The following TAP1 variants were observed in gnomAD, a reference collection of about 807,000 sequenced individuals.
TAP1 encodes the protein transporter 1, ATP binding cassette subfamily B member.
TAP1 carries 56 observed loss-of-function variants against 79.3 expected under a neutral mutation model. The observed-to-expected ratio is 0.71, with a 90% confidence interval of 0.57 to 0.88. The LOEUF (loss-of-function observed/expected upper bound fraction) is 0.88. Among genes scored for constraint, TAP1 ranks in the 40% least tolerant of loss-of-function variants. The pLI is 0.00. For synonymous variants in TAP1, 355 were observed against 401.4 expected (o/e 0.88, Z 1.38); for missense variants, 737 against 936.3 (o/e 0.79, Z 2.78).
Position 32,849,017 on chromosome 6 carries a change from G to T in TAP1, c.1350C>A (p.Tyr450Ter). 1 of 1,610,618 alleles carries T rather than the reference G, an allele frequency of 6.2e-7. No individual in the cohort carries two copies. The highest frequency in any genetic ancestry group is 8.5e-7 in the Non-Finnish European group (1 of 1,178,864). Reference sequence around the variant, plus strand: ...CCACAGCCTGGGTGAACTGCATCTGGTAGAGAACAAATGTGACAAGGTTCC... The same window carrying T: ...CCACAGCCTGGGTGAACTGCATCTGTTAGAGAACAAATGTGACAAGGTTCC... The part of the protein sequence containing the change: ...SSGNLVTFVL[Y>*]QMQFTQAVEV... The change falls in exon 6 of 11, where the codon TAC (tyrosine) becomes TAA (stop). Residue 450 changes from tyrosine to a stop codon, truncating the protein, a stop_gained. Coordinates refer to ENST00000354258, the MANE Select transcript of TAP1 (RefSeq NM_000593.6). LOFTEE classifies it high-confidence loss of function.
In TAP1 at chr6:32,851,187, C is replaced by A; in HGVS notation, c.845-38G>T. The A allele has an allele frequency of 1.9e-6, 3 of 1,601,548 alleles. No homozygotes were observed. The highest frequency in any genetic ancestry group is 2.6e-6 in the Non-Finnish European group (3 of 1,171,442). ...GGAGAAGAGAGTGAGGTGAATCAGA[C>A]AGGTTCCAAGTGATGAGACGAACTA... On this transcript the variant is annotated intron_variant, in intron 3 of 10. Transcript: ENST00000354258. The surrounding 1 kb of genome is among the most constrained non-coding windows in gnomAD (Gnocchi z 4.8).
chr6:32,848,533 C>G, intron 7 of TAP1, 119 bp downstream of exon 7: 1 of 1,140,998 alleles, frequency 8.8e-7, no homozygotes, highest in South Asian at 1.2e-5. Context: ...CCTACCATTG[C>G]CTTTAAAGGG....
At position 32,851,983 on chromosome 6, in the gene TAP1, A is replaced by C; in HGVS notation, c.844+126T>G. The C allele has an allele frequency of 1.5e-6, 2 of 1,310,126 alleles. No homozygotes were observed. Among genetic ancestry groups the C allele is most frequent in the Non-Finnish European group, 2.2e-6 (2 of 927,006 alleles). 81.2% of individuals were successfully genotyped at this position (1,310,126 alleles called of 1,614,324 possible). ...AGAGAGACAGGGAGAGGGTATATCA[A>C]GAATGAGAAGGAACAATGTGTGTAT... On this transcript the variant is annotated intron_variant, in intron 3 of 10. Coordinates refer to ENST00000354258, the MANE Select transcript of TAP1 (RefSeq NM_000593.6). The surrounding 1 kb of genome is among the most constrained non-coding windows in gnomAD (Gnocchi z 4.8).
rs907256566 is a variant in TAP1 at position 32,850,596 on chromosome 6, A to G, written c.1051-79T>C. 19 of 1,288,824 alleles carry G rather than the reference A, an allele frequency of 1.5e-5. No individual in the cohort carries two copies. In the African/African-American group the frequency reaches 2.6e-4, roughly 18 times the overall value. The allele number at this position is 1,288,824 out of a possible 1,614,324, so 79.8% of individuals were successfully genotyped here. On this transcript the variant is annotated intron_variant, in intron 4 of 10. Transcript: ENST00000354258. This position sits in a 1 kb window ranked among gnomAD's most constrained non-coding sequence, Gnocchi z 5.5. ...CTAATACCTGAGTTACCTATTTGGA[A>G]ATTAAAGGTGAGAAGAGACAGAGGA...
At position 32,847,890 on chromosome 6, in the gene TAP1, G is replaced by T. The variant is rs1214942176; in HGVS notation, c.1740+29C>A. The T allele has an allele frequency of 1.2e-6, 2 of 1,612,934 alleles. No individual in the cohort carries two copies. The highest frequency in any genetic ancestry group is 2.2e-5 in the East Asian group (1 of 44,880). ...ATGCTCTTCGTATTTGATGCTCCCT[G>T]CCCTCCTTCAAGCCACCTGCTTCCA... On this transcript the variant is annotated intron_variant, in intron 8 of 10. Coordinates refer to ENST00000354258, the MANE Select transcript of TAP1 (RefSeq NM_000593.6). This position sits in a 1 kb window ranked among gnomAD's most constrained non-coding sequence, Gnocchi z 4.7.
At chr6:32,849,853 A>G (rs1036940317) in intron 5 of TAP1, 3 of 192,060 alleles carry the variant, frequency 1.6e-5, no homozygotes, top group Non-Finnish European at 3.3e-5. Flanking sequence ...TGATCACAAG[A>G]CAAGTAAATT....
In TAP1 at chr6:32,850,900, G is replaced by A; in HGVS notation, c.1050+44C>T. 6.4e-7 allele frequency: 1 copy of A among 1,558,162 alleles called. No homozygotes were observed. The highest frequency in any genetic ancestry group is 1.1e-5 in the South Asian group (1 of 89,768). On this transcript the variant is annotated intron_variant, in intron 4 of 10. Transcript: ENST00000354258. The surrounding 1 kb of genome is among the most constrained non-coding windows in gnomAD (Gnocchi z 5.5). ...AGAGGAACTGAGTCTGCCAAGTCTG[G>A]GAGATGAGGGTCTGTGTAGAGCGGG...
Position 32,845,863 on chromosome 6 carries a change from C to G in TAP1, c.2041-78G>C. ...GACACCTGTGTTTCCAGGGCTGGGACTGACCTCACAGGATCACTGCTGGCT... is the reference window on the plus strand; with the variant it reads ...GACACCTGTGTTTCCAGGGCTGGGAGTGACCTCACAGGATCACTGCTGGCT... On this transcript the variant is annotated intron_variant, in intron 10 of 10. Transcript: ENST00000354258. The surrounding 1 kb of genome is among the most constrained non-coding windows in gnomAD (Gnocchi z 4.5). 7.9e-7 allele frequency: 1 copy of G among 1,271,718 alleles called. No homozygotes were observed. Among genetic ancestry groups the G allele is most frequent in the East Asian group, 2.4e-5 (1 of 41,018 alleles). The allele number at this position is 1,271,718 out of a possible 1,614,324, so 78.8% of individuals were successfully genotyped here. A position where few individuals can be genotyped will look rare whatever the true frequency, so the allele number is the denominator to read the frequency against.
In TAP1 at chr6:32,852,650, T is replaced by TA; in HGVS notation, c.599-149dup. 2 of 1,531,948 alleles carry TA rather than the reference T, an allele frequency of 1.3e-6. No individual in the cohort carries two copies. The highest frequency in any genetic ancestry group is 1.8e-6 in the Non-Finnish European group (2 of 1,141,262). The allele number at this position is 1,531,948 out of a possible 1,614,324, so 94.9% of individuals were successfully genotyped here. On this transcript the variant is annotated intron_variant, in intron 1 of 10. Coordinates refer to ENST00000354258, the MANE Select transcript of TAP1 (RefSeq NM_000593.6). This position sits in a 1 kb window ranked among gnomAD's most constrained non-coding sequence, Gnocchi z 4.8. The stretch of plus-strand genomic sequence containing the variant: ...AACACTGACGTCTCAATCCCGAACC[T>TA]AAATAGGCTGCCCTGGAACTCACTA...
Position 32,847,214 on chromosome 6 carries a change from AAAGGGCC to A in TAP1, c.1904-17_1904-11del, listed in dbSNP as rs1316942125. ...CCAGCCTCGTCTACCTCTGCAGAGC[AAAGGGCC>A]AAGATGAGAACGGTATAGCCACATG... On this transcript the variant is annotated splice_polypyrimidine_tract_variant and intron_variant, in intron 9 of 10. Coordinates refer to ENST00000354258, the MANE Select transcript of TAP1 (RefSeq NM_000593.6). This position sits in a 1 kb window ranked among gnomAD's most constrained non-coding sequence, Gnocchi z 4.7. The A allele has an allele frequency of 1.2e-6, 2 of 1,611,088 alleles. No homozygotes were observed.
In TAP1 at chr6:32,852,266, A is replaced by G. The variant is rs72860339; in HGVS notation, c.714-27T>C. The G allele has an allele frequency of 0.031, 49,763 of 1,612,912 alleles. 946 individuals are homozygous for G. Among genetic ancestry groups the G allele is most frequent in the South Asian group, 0.062 (5,624 of 91,074 alleles). ...TATAAAGAACCCGGAAAAAAAGGGG[A>G]TCAGGGTGTGTTCAGGGAACAGACT... On this transcript the variant is annotated intron_variant, in intron 2 of 10. Coordinates refer to ENST00000354258, the MANE Select transcript of TAP1 (RefSeq NM_000593.6). This position sits in a 1 kb window ranked among gnomAD's most constrained non-coding sequence, Gnocchi z 4.8.
Position 32,848,739 on chromosome 6 carries a change from C to G in TAP1, c.1479G>C (p.Leu493=). ...DRTPRCPPSG[L]LTPLHLEGLV... ...GGCCCTCCAAGTGTAAGGGAGTCAA[C>G]AGACCACTGGGTGGGCAGCGAGGGG... is the stretch of plus-strand genomic sequence containing the variant. Residue 493 remains leucine (L), a synonymous_variant, in exon 7 of 11, where the codon CTG becomes CTC. Transcript: ENST00000354258. The G allele has an allele frequency of 1.2e-6, 2 of 1,614,122 alleles. No homozygotes were observed. The highest frequency in any genetic ancestry group is 1.7e-6 in the Non-Finnish European group (2 of 1,180,026).
At position 32,847,049 on chromosome 6, in the gene TAP1, A is replaced by G. The variant is rs766612174; in HGVS notation, c.2040+19T>C. ...CAAGATTGGGTGGGATATAGCCATT[A>G]AGAAGATGACTGCCTCACCTGTAAC... On this transcript the variant is annotated intron_variant, in intron 10 of 10. Transcript: ENST00000354258. The surrounding 1 kb of genome is among the most constrained non-coding windows in gnomAD (Gnocchi z 4.7). 6.8e-6 allele frequency: 11 copies of G among 1,611,886 alleles called. No individual in the cohort carries two copies. In the East Asian group the frequency reaches 2.5e-4, roughly 36 times the overall value.
In TAP1 at chr6:32,845,700, G is replaced by A; in HGVS notation, c.2126C>T (p.Ala709Val). ...TCCTTCCAGAAAGAGGATGTGGTCA[G>A]CCTGCTCCACCAGGCTGAGGTGCTG... ...ITQHLSLVEQ[A>V]DHILFLEGGA... Residue 709 changes from alanine to valine, a missense_variant, in exon 11 of 11, where the codon GCT becomes GTT. By Grantham distance (64) the Ala-to-Val change is moderately conservative. This residue lies in a region of TAP1 where 266 missense variants were observed against 332.4 expected (regional missense o/e 0.80). Transcript: ENST00000354258. This position sits in a 1 kb window ranked among gnomAD's most constrained non-coding sequence, Gnocchi z 4.5. 6.2e-7 allele frequency: 1 copy of A among 1,613,084 alleles called. No individual in the cohort carries two copies. The highest frequency in any genetic ancestry group is 8.5e-7 in the Non-Finnish European group (1 of 1,180,028).
rs1562370677 is a variant in TAP1, at chr6:32,850,927, C to T, written c.1050+17G>A. ...AGATGAGGGTCTGTGTAGAGCGGGC[C>T]AACTCCATGAACATACCTGGTACCA... On this transcript the variant is annotated intron_variant, in intron 4 of 10. Coordinates refer to ENST00000354258, the MANE Select transcript of TAP1 (RefSeq NM_000593.6). The surrounding 1 kb of genome is among the most constrained non-coding windows in gnomAD (Gnocchi z 5.5). The T allele has an allele frequency of 6.2e-7, 1 of 1,608,188 alleles. No individual in the cohort carries two copies. Among genetic ancestry groups the T allele is most frequent in the African/African-American group, 1.3e-5 (1 of 74,156 alleles).
rs770141244 is a variant in TAP1, at chr6:32,853,415, C to A, written c.222G>T (p.Gly74=). 1 of 1,610,686 alleles carries A rather than the reference C, an allele frequency of 6.2e-7. No individual in the cohort carries two copies. The highest frequency in any genetic ancestry group is 1.3e-5 in the African/African-American group (1 of 74,918). Residue 74 remains glycine (G), a synonymous_variant, in exon 1 of 11, where the codon GGG becomes GGT. Transcript: ENST00000354258. This position sits in a 1 kb window ranked among gnomAD's most constrained non-coding sequence, Gnocchi z 8.3. ...RWAVLWLGAC[G]VLRATVGSKS... The stretch of plus-strand genomic sequence containing the variant: ...TGGAGCCAACCGTTGCCCTGAGGAC[C>A]CCGCAGGCCCCCAGCCAGAGCACGG...
Position 32,848,682 on chromosome 6 carries a change from G to GTA in TAP1, c.1534_1535dup (p.Pro513ThrfsTer8). On this transcript the variant is annotated frameshift_variant, in exon 7 of 11. Coordinates refer to ENST00000354258, the MANE Select transcript of TAP1 (RefSeq NM_000593.6). LOFTEE classifies it high-confidence loss of function. ...GCACTAAGACATCTGGGCGGTTTGGGTAGGCAAAGGAGACATCTTGGAACT... is the reference window on the plus strand; with the variant it reads ...GCACTAAGACATCTGGGCGGTTTGGGTATAGGCAAAGGAGACATCTTGGAACT... The GTA allele has an allele frequency of 6.2e-7, 1 of 1,614,126 alleles. No individual in the cohort carries two copies.
At position 32,850,864 on chromosome 6, in the gene TAP1, A is replaced by G; in HGVS notation, c.1050+80T>C. 1.5e-6 allele frequency: 2 copies of G among 1,308,296 alleles called. No individual in the cohort carries two copies. Among genetic ancestry groups the G allele is most frequent in the Non-Finnish European group, 2.2e-6 (2 of 904,242 alleles). The allele number at this position is 1,308,296 out of a possible 1,614,324, so 81.0% of individuals were successfully genotyped here. A position where few individuals can be genotyped will look rare whatever the true frequency, so the allele number is the denominator to read the frequency against. ...TAAGGGTGCCAGGAAAGCTGGACTGAAAGCAATGTGAGAGGAACTGAGTCT... is the reference window on the plus strand; with the variant it reads ...TAAGGGTGCCAGGAAAGCTGGACTGGAAGCAATGTGAGAGGAACTGAGTCT... On this transcript the variant is annotated intron_variant, in intron 4 of 10. Coordinates refer to ENST00000354258, the MANE Select transcript of TAP1 (RefSeq NM_000593.6). The surrounding 1 kb of genome is among the most constrained non-coding windows in gnomAD (Gnocchi z 5.5).
chr6:32,851,840 T>C lies in TAP1; in HGVS notation c.844+269A>G, dbSNP rs1230790183. Among the ~76,000 whole-genome samples the C allele has an allele frequency of 6.6e-6, 1 of 152,182 alleles. No individual in the cohort carries two copies. The highest frequency in any genetic ancestry group is 1.5e-5 in the Non-Finnish European group (1 of 68,038). On this transcript the variant is annotated intron_variant, in intron 3 of 10. Coordinates refer to ENST00000354258, the MANE Select transcript of TAP1 (RefSeq NM_000593.6). The surrounding 1 kb of genome is among the most constrained non-coding windows in gnomAD (Gnocchi z 4.8). ...ATAAGAAAATGCTAGATGAAAACTC[T>C]AGGTTTTTCTTAAGGTAAGGAGGAC...
Sources: allele counts gnomAD v4.1 joint callset (sites outside exome capture counted in the v4.1 genomes callset), GRCh38; gene constraint gnomAD v4.1.1; regional missense constraint gnomAD v4.1.1; non-coding constraint Gnocchi (gnomAD v3.1); transcripts MANE v1.5; gene names NCBI Gene and HGNC (gene_info 2026-07-23, HGNC 2026-07-21).